Variants in DIPK1A observed in about 807,000 individuals in gnomAD.
DIPK1A encodes family with sequence similarity 69 member A.
DIPK1A carries 27 observed loss-of-function variants against 40.8 expected under a neutral mutation model. The observed-to-expected ratio is 0.66, with a 90% CI of 0.49 to 0.91. The LOEUF is 0.91. Ranked by LOEUF, DIPK1A falls within the 40% of genes least tolerant of loss-of-function variation. The pLI is 0.00. For synonymous variants in DIPK1A, 166 were observed against 171.3 expected (o/e 0.97, Z 0.24); for missense variants, 412 against 505.7 (o/e 0.81, Z 1.78).
chr1:92,882,588 CG>C (rs1296333953), intron 1 of DIPK1A, among the ~76,000 whole-genome samples: 2 of 152,136 alleles, frequency 1.3e-5, no homozygotes, highest in Non-Finnish European at 2.9e-5. Flanking sequence ...TATTCTATTT[CG>C]ACTTGCATCC....
At chr1:92,873,896 T>A (rs999374938) in intron 2 of DIPK1A, among the ~76,000 whole-genome samples, 1 of 152,130 alleles carries the variant, frequency 6.6e-6, no homozygotes, top group Non-Finnish European at 1.5e-5. Flanking sequence ...TTTAACAATA[T>A]TTTTTCTGCT....
chr1:92,961,190 G>T (rs924243209), intron 1 of DIPK1A, among the ~76,000 whole-genome samples, 186 bp downstream of exon 1: 2 of 151,050 alleles, frequency 1.3e-5, no homozygotes, highest in African/African-American at 4.9e-5. Flanking sequence ...GCGGTGGGGG[G>T]CGTCGGCAGA....
At chr1:92,874,383 G>GT (rs995410746) in intron 2 of DIPK1A, among the ~76,000 whole-genome samples, 3 of 152,136 alleles carry the variant, frequency 2.0e-5, no homozygotes, top group African/African-American at 7.2e-5. Context: ...TGGGGATATG[G>GT]TTTTTTCTGA....
chr1:92,949,869 A>G (rs1651559750), intron 1 of DIPK1A, among the ~76,000 whole-genome samples: 2 of 152,202 alleles, frequency 1.3e-5, no homozygotes. Flanking sequence ...GTATCTTTAC[A>G]ATTATGTATG....
At chr1:92,929,618 C>T (rs1192911091) in intron 1 of DIPK1A, among the ~76,000 whole-genome samples, 3 of 151,690 alleles carry the variant, frequency 2.0e-5, no homozygotes, top group Non-Finnish European at 4.4e-5. Flanking sequence ...TGAGTTTAAT[C>T]TTTTCTTTCA....
intron 1 of DIPK1A, chr1:92,877,126 T>A: frequency 1.0e-6 from 1 of 985,468 alleles, no homozygotes; most frequent in African/African-American, 1.7e-5. Context: ...AGTGTAAAGC[T>A]GCACAATAGG....
chr1:92,924,488 G>A (rs542847744), intron 1 of DIPK1A, among the ~76,000 whole-genome samples: 9 of 152,092 alleles, frequency 5.9e-5, no homozygotes, highest in East Asian at 1.9e-4. Flanking sequence ...GAGTGAATGC[G>A]GGAATAGAAG....
chr1:92,906,010 G>C (rs560066504), intron 1 of DIPK1A, among the ~76,000 whole-genome samples: 19 of 152,190 alleles, frequency 1.2e-4, no homozygotes, highest in African/African-American at 4.3e-4. Flanking sequence ...GTGCCATGCT[G>C]TTTTGGTTAT....
At chr1:92,957,884 T>C (rs1037227625) in intron 1 of DIPK1A, among the ~76,000 whole-genome samples, 23 of 152,226 alleles carry the variant, frequency 1.5e-4, no homozygotes, top group African/African-American at 5.5e-4. Flanking sequence ...CCATCAGTAG[T>C]TACTCCCCAT....
chr1:92,861,920 T>C (rs1418301751), intron 2 of DIPK1A, among the ~76,000 whole-genome samples: 2 of 152,030 alleles, frequency 1.3e-5, no homozygotes, highest in South Asian at 2.1e-4. Flanking sequence ...GCTGGGACTA[T>C]AGGCACGCAC....
chr1:92,894,967 C>T (rs1220836428), intron 1 of DIPK1A, among the ~76,000 whole-genome samples: 2 of 152,026 alleles, frequency 1.3e-5, no homozygotes, highest in African/African-American at 4.8e-5. Context: ...GAAGTTGAAT[C>T]CCTGAATAGA....
chr1:92,957,512 C>T (rs549974840), intron 1 of DIPK1A, among the ~76,000 whole-genome samples: 2 of 152,320 alleles, frequency 1.3e-5, no homozygotes, highest in Admixed American at 1.3e-4. Flanking sequence ...AAGCTTGTTG[C>T]TCAGGTAAAC....
Position 92,843,587 on chromosome 1 carries a change from T to G in DIPK1A, c.1083A>C (p.Pro361=). 1.3e-6 allele frequency: 2 copies of G among 1,552,026 alleles called. No homozygotes were observed. Among genetic ancestry groups the G allele is most frequent in the Non-Finnish European group, 1.7e-6 (2 of 1,147,052 alleles). ...GTAACTGACAAGCTTTTGCCAAGTT[T>G]GGTTGTATCACTTCTGAAGTACACT... ...TMKCTSEVIQ[P]NLAKACQLLK... Residue 361 remains proline, a synonymous_variant, in exon 5 of 5, where the codon CCA becomes CCC. Coordinates refer to ENST00000370310, the MANE Select transcript of DIPK1A (RefSeq NM_001006605.5).
intron 2 of DIPK1A, among the ~76,000 whole-genome samples, chr1:92,857,785 G>C (rs1333960067): frequency 1.3e-5 from 2 of 152,172 alleles, no homozygotes; most frequent in Non-Finnish European, 2.9e-5. Flanking sequence ...AATTTACAGA[G>C]AGCAGGTTAA....
At chr1:92,870,427 T>C (rs1420840060) in intron 2 of DIPK1A, among the ~76,000 whole-genome samples, 2 of 152,142 alleles carry the variant, frequency 1.3e-5, no homozygotes, top group African/African-American at 4.8e-5. Flanking sequence ...GGTTTCACCA[T>C]GTTGGCCAGG....
At chr1:92,873,059 T>C (rs1482162925) in intron 2 of DIPK1A, among the ~76,000 whole-genome samples, 1 of 152,190 alleles carries the variant, frequency 6.6e-6, no homozygotes, top group African/African-American at 2.4e-5. Context: ...TCCCTGCCCA[T>C]GCCCAGAATC....
chr1:92,890,272 G>A (rs1409821841), intron 1 of DIPK1A, among the ~76,000 whole-genome samples: 1 of 152,144 alleles, frequency 6.6e-6, no homozygotes, highest in African/African-American at 2.4e-5. Flanking sequence ...CAGGGACAAT[G>A]TAACTGACTC....
At chr1:92,877,639 A>G (rs973667267) in intron 1 of DIPK1A, among the ~76,000 whole-genome samples, 12 of 152,256 alleles carry the variant, frequency 7.9e-5, no homozygotes, top group South Asian at 4.1e-4. Flanking sequence ...ATGAGTTCTC[A>G]GTAAAATTGT....
chr1:92,922,333 C>CTTT (rs368331487), intron 1 of DIPK1A, among the ~76,000 whole-genome samples: 1 of 144,644 alleles, frequency 6.9e-6, no homozygotes, highest in Non-Finnish European at 1.5e-5. Flanking sequence ...TTTTTCTTTT[C>CTTT]TTTTTTTTTT....
Sources: allele counts gnomAD v4.1 joint callset (sites outside exome capture counted in the v4.1 genomes callset), GRCh38; gene constraint gnomAD v4.1.1; transcripts MANE v1.5; gene names NCBI Gene and HGNC (gene_info 2026-07-23, HGNC 2026-07-21).